SLC1A4: variants seen among roughly 807,000 people sequenced by gnomAD.
SLC1A4 encodes solute carrier family 1 member 4.
Under a neutral mutation model 37.7 loss-of-function variants are expected in SLC1A4, and 19 were observed. The ratio of observed to expected loss-of-function variants is 0.50; its 90% CI spans 0.35 to 0.74. The LOEUF (loss-of-function observed/expected upper bound fraction) is 0.74, where lower values mean the gene tolerates loss of function less well. Ranked by LOEUF, SLC1A4 falls within the 30% of genes least tolerant of loss-of-function variation. SLC1A4 has a pLI of 0.01. For synonymous variants in SLC1A4, 299 were observed against 309.8 expected, an observed-to-expected ratio of 0.97 and a Z score of 0.37; for missense variants, 570 against 712.9, an observed-to-expected ratio of 0.80 and a Z score of 2.28.
intron 4 of SLC1A4, 151 bp from the exon 5 acceptor site, chr2:65,016,289 A>G (rs1046384293): frequency 3.0e-6 from 2 of 666,176 alleles, no homozygotes; most frequent in Non-Finnish European, 2.7e-6. Flanking sequence ...TGGGGATGGT[A>G]TAACCCTGAC....
intron 4 of SLC1A4, among the ~76,000 whole-genome samples, chr2:65,011,843 A>G (rs1673933513): frequency 6.6e-6 from 1 of 151,034 alleles, no homozygotes. Flanking sequence ...ATCTCGGTTC[A>G]CTACAACCTC....
intron 3 of SLC1A4, among the ~76,000 whole-genome samples, chr2:65,007,025 T>G (rs1015495768): frequency 9.2e-5 from 14 of 152,176 alleles, no homozygotes; most frequent in African/African-American, 2.4e-4. Context: ...CGTAATAACT[T>G]GCCACAGACA....
At chr2:64,989,172 C>A (rs1672930238), upstream of SLC1A4, among the ~76,000 whole-genome samples, 1 of 151,624 alleles carries the variant, frequency 6.6e-6, no homozygotes, top group African/African-American at 2.4e-5. Flanking sequence ...GCCGCCCGCG[C>A]CCCCGCGGCC....
chr2:64,993,682 A>G (rs920911988), intron 1 of SLC1A4, among the ~76,000 whole-genome samples: 1 of 152,210 alleles, frequency 6.6e-6, no homozygotes, highest in Admixed American at 6.5e-5. Context: ...TTATCAGGAA[A>G]CTAGTCATTG....
At chr2:65,004,607 C>T (rs1572955022) in intron 3 of SLC1A4, among the ~76,000 whole-genome samples, 1 of 151,998 alleles carries the variant, frequency 6.6e-6, no homozygotes, top group Admixed American at 6.6e-5. Flanking sequence ...TTTATAAAAC[C>T]TTTTCTGCCA....
In SLC1A4 at chr2:65,023,543, C is replaced by G. The variant is rs1058926; in HGVS notation, c.*2397C>G. On this transcript the variant is annotated 3_prime_UTR_variant, in exon 8 of 8. Coordinates refer to ENST00000234256, the MANE Select transcript of SLC1A4 (RefSeq NM_003038.5). ...TTGGCCGACCATCCTGTGTCCTGGC[C>G]TGGCCCTGCAGTAAGAAGCGTGTCT... The G allele has an allele frequency of 0.17, 25,242 of 152,452 alleles. 2,534 individuals are homozygous for G. The highest frequency in any genetic ancestry group is 0.28 in the African/African-American group (11,578 of 41,520). The allele number at this position is 152,452 out of a possible 1,614,324, so 9.4% of individuals were successfully genotyped here. A position where few individuals can be genotyped will look rare whatever the true frequency, so the allele number is the denominator to read the frequency against.
intron 7 of SLC1A4, among the ~76,000 whole-genome samples, chr2:65,020,280 TATTA>T (rs534631586): frequency 1.3e-5 from 2 of 152,322 alleles, no homozygotes; most frequent in South Asian, 4.1e-4. Context: ...TTTGTTTACT[TATTA>T]GAGTCAGGGT....
At chr2:65,000,737 G>T (rs974976242) in intron 1 of SLC1A4, 3 of 152,214 alleles carry the variant, frequency 2.0e-5, no homozygotes, top group African/African-American at 7.2e-5. Flanking sequence ...AATTAGTTTA[G>T]TCTTGAGTAA....
rs766232161 is a variant in SLC1A4 at position 65,020,984 on chromosome 2, GA to G, written c.1439del (p.Lys480ArgfsTer13). On this transcript the variant is annotated frameshift_variant, in exon 8 of 8. Transcript: ENST00000234256. LOFTEE classifies it high-confidence loss of function. Reference protein sequence around the residue: ...GAGILHHLNQKATKKGEQELA... With the variant: ...GAGILHHLNQXATKKGEQELA... ...CAGGCATTCTCCACCACCTGAATCAGAAGGCAACAAAGAAAGGCGAGCAGGA... is the reference window on the plus strand; with the variant it reads ...CAGGCATTCTCCACCACCTGAATCAGAGGCAACAAAGAAAGGCGAGCAGGA... The G allele has an allele frequency of 7.4e-6, 12 of 1,614,138 alleles. No individual in the cohort carries two copies. The highest frequency in any genetic ancestry group is 1.0e-5 in the Non-Finnish European group (12 of 1,180,050).
Position 65,021,274 on chromosome 2 carries a change from C to T in SLC1A4, c.*128C>T, listed in dbSNP as rs913050357. ...CCCAAGCAATGCTTTGGCCCAGTCGCTGGCCTGAGGCTTACCTCTCGGCAC... is the reference window on the plus strand; with the variant it reads ...CCCAAGCAATGCTTTGGCCCAGTCGTTGGCCTGAGGCTTACCTCTCGGCAC... On this transcript the variant is annotated 3_prime_UTR_variant, in exon 8 of 8. Coordinates refer to ENST00000234256, the MANE Select transcript of SLC1A4 (RefSeq NM_003038.5). The T allele has an allele frequency of 4.1e-6, 3 of 729,328 alleles. No homozygotes were observed. Among genetic ancestry groups the T allele is most frequent in the Non-Finnish European group, 6.8e-6 (3 of 443,450 alleles). The allele number at this position is 729,328 out of a possible 1,614,324, so 45.2% of individuals were successfully genotyped here.
chr2:65,005,759 CA>C (rs777887392), intron 3 of SLC1A4, among the ~76,000 whole-genome samples: 8 of 152,168 alleles, frequency 5.3e-5, no homozygotes, highest in Non-Finnish European at 8.8e-5. Flanking sequence ...TTTGGGAGGC[CA>C]AGAAGGGAGG....
intron 3 of SLC1A4, among the ~76,000 whole-genome samples, chr2:65,008,222 A>C (rs540771526): frequency 6.6e-6 from 1 of 152,202 alleles, no homozygotes; most frequent in Non-Finnish European, 1.5e-5. Flanking sequence ...AGCTCATAGA[A>C]TCCTAGTAGG....
intron 4 of SLC1A4, among the ~76,000 whole-genome samples, chr2:65,014,505 G>A (rs923523817): frequency 6.6e-6 from 1 of 152,196 alleles, no homozygotes; most frequent in Non-Finnish European, 1.5e-5. Context: ...ACTGTAGGAT[G>A]TTTAGCACCA....
At chr2:64,989,396 A>T, upstream of SLC1A4, 1 of 361,504 alleles carries the variant, frequency 2.8e-6, no homozygotes, top group Non-Finnish European at 4.9e-6. Flanking sequence ...TCCCGTTTGC[A>T]TCATCTCCAG....
chr2:65,003,107 C>T lies in SLC1A4; in HGVS notation c.571-846C>T, dbSNP rs141172796. Among the ~76,000 whole-genome samples, 760 of 152,102 alleles carry T rather than the reference C, an allele frequency of 5.0e-3. 22 individuals carry two copies. Among genetic ancestry groups the T allele is most frequent in the Admixed American group, 0.043 (656 of 15,290 alleles). On this transcript the variant is annotated intron_variant, in intron 2 of 7. Coordinates refer to ENST00000234256, the MANE Select transcript of SLC1A4 (RefSeq NM_003038.5). ...TTTTTAGTGCCTGTCACAGAGGAGG[C>T]GGGTGGGTTTGTTTGAACACCTCTG...
chr2:65,004,212 C>G (rs1483850617), intron 3 of SLC1A4, among the ~76,000 whole-genome samples, 197 bp downstream of exon 3: 1 of 152,068 alleles, frequency 6.6e-6, no homozygotes, highest in Admixed American at 6.5e-5. Context: ...CACTACAATC[C>G]TCAGAGGATC....
rs550669687 is a variant in SLC1A4, at chr2:65,000,099, A to G, written c.528-1349A>G. 6 of 152,300 alleles carry G rather than the reference A, an allele frequency of 3.9e-5. No individual in the cohort carries two copies. The South Asian group carries it at 1.2e-3, about 32-fold the overall frequency. 9.4% of individuals were successfully genotyped at this position (152,300 alleles called of 1,614,324 possible). Reference sequence around the variant, plus strand: ...TTCTTACAGAAGTAAGAATTAGTGGATAAGTTTGACACAAATTGTTAAGAA... The same window carrying G: ...TTCTTACAGAAGTAAGAATTAGTGGGTAAGTTTGACACAAATTGTTAAGAA... On this transcript the variant is annotated intron_variant, in intron 1 of 7. Transcript: ENST00000234256.
rs1239902629 is a variant in SLC1A4, at chr2:65,018,097, A to C, written c.1061A>C (p.Lys354Thr). The C allele has an allele frequency of 1.2e-6, 2 of 1,613,798 alleles. No homozygotes were observed. The highest frequency in any genetic ancestry group is 1.7e-6 in the Non-Finnish European group (2 of 1,179,916). Residue 354 changes from lysine (K) to threonine (T), a missense_variant, in exon 6 of 8, where the codon AAG (lysine) becomes ACG (threonine). By Grantham distance (78) the Lys-to-Thr change is moderately conservative. Coordinates refer to ENST00000234256, the MANE Select transcript of SLC1A4 (RefSeq NM_003038.5). This position sits in a 1 kb window ranked among gnomAD's most constrained non-coding sequence, Gnocchi z 4.3. ...TCAGCGACCCTTCCCTCTATGATGA[A>C]GTGCATTGAAGAGAACAATGGTGTG... is the stretch of plus-strand genomic sequence containing the variant. ...SSSATLPSMM[K>T]CIEENNGVDK...
intron 1 of SLC1A4, among the ~76,000 whole-genome samples, chr2:64,992,592 T>C (rs1011199799): frequency 3.3e-5 from 5 of 152,124 alleles, no homozygotes; most frequent in African/African-American, 1.2e-4. Context: ...GAGACAGAGA[T>C]TAAGCGATTT....
Sources: gnomAD v4.1 joint callset for allele counts (sites outside exome capture counted in the v4.1 genomes callset) on GRCh38, gnomAD v4.1.1 for gene constraint, Gnocchi (gnomAD v3.1) non-coding constraint, MANE v1.5 for transcripts, NCBI Gene and HGNC (gene_info 2026-07-23, HGNC 2026-07-21) for gene names.